The following TNC variants were observed in gnomAD, a reference collection of about 807,000 sequenced individuals.
TNC encodes the protein tenascin.
Under a neutral mutation model 202.4 loss-of-function variants are expected in TNC, and 109 were observed. The ratio of observed to expected loss-of-function variants is 0.54; its 90% CI spans 0.46 to 0.63. The LOEUF is 0.63. TNC is among the 30% of genes least tolerant of loss of function. The pLI is 0.00. For missense variants in TNC, 2,756 were observed against 2,833.3 expected (o/e 0.97, Z 0.62); for synonymous variants, 1,007 against 1,089.7 (o/e 0.92, Z 1.50).
chr9:115,029,139 T>C (rs923990965), intron 25 of TNC, among the ~76,000 whole-genome samples: 1 of 151,844 alleles, frequency 6.6e-6, no homozygotes, highest in Non-Finnish European at 1.5e-5. Context: ...AACCTCTAAA[T>C]TGATTGAGAT....
chr9:115,050,039 A>G (rs960624264), intron 15 of TNC, among the ~76,000 whole-genome samples: 1 of 152,114 alleles, frequency 6.6e-6, no homozygotes, highest in Non-Finnish European at 1.5e-5. Context: ...CGAGGATGAA[A>G]TCTCTTATAC....
At chr9:115,037,247 T>C (rs1588023993) in intron 20 of TNC, among the ~76,000 whole-genome samples, 1 of 152,224 alleles carries the variant, frequency 6.6e-6, no homozygotes. Flanking sequence ...CCTGCTCATA[T>C]TGTCACTGAG....
At chr9:115,080,276 C>T (rs1564108626) in intron 6 of TNC, among the ~76,000 whole-genome samples, 1 of 152,040 alleles carries the variant, frequency 6.6e-6, no homozygotes, top group African/African-American at 2.4e-5. Flanking sequence ...TCCATAGCAA[C>T]TAAGCATTTG....
At chr9:115,081,618 G>T (rs551606848) in intron 6 of TNC, among the ~76,000 whole-genome samples, 154 bp downstream of exon 6, 11 of 152,288 alleles carry the variant, frequency 7.2e-5, no homozygotes, top group African/African-American at 2.6e-4. Flanking sequence ...AACATGCAAA[G>T]AATTGTTATT....
chr9:115,055,126 T>G (rs7859478), intron 15 of TNC, among the ~76,000 whole-genome samples: 16,047 of 152,034 alleles, frequency 0.11, 919 homozygotes, highest in Middle Eastern at 0.17. Context: ...CAAACTTTGA[T>G]TAGAACGACC....
chr9:115,104,390 T>C (rs1836456601), intron 1 of TNC, among the ~76,000 whole-genome samples: 1 of 152,192 alleles, frequency 6.6e-6, no homozygotes, highest in Admixed American at 6.5e-5. Flanking sequence ...TGGTTGCCTT[T>C]GTGAAACTGT....
intron 22 of TNC, among the ~76,000 whole-genome samples, chr9:115,032,274 A>T (rs1439539469): frequency 6.6e-6 from 1 of 152,180 alleles, no homozygotes; most frequent in Admixed American, 6.5e-5. Flanking sequence ...CTAGATTATG[A>T]AGGGCCTTTA....
chr9:115,093,973 G>A (rs1181230339), intron 1 of TNC, among the ~76,000 whole-genome samples: 1 of 152,132 alleles, frequency 6.6e-6, no homozygotes, highest in Non-Finnish European at 1.5e-5. Context: ...TATTTTCAGT[G>A]TTGTAGAAAA....
Position 115,057,065 on chromosome 9 carries a change from A to T in TNC, c.4579+88T>A, listed in dbSNP as rs886489976. On this transcript the variant is annotated intron_variant, in intron 15 of 27. Transcript: ENST00000350763. ...GAAGAGTTAGTGCCCTGTGGCTTGTACATCAATGGGAGAGGAGAAGGAGAG... is the reference window on the plus strand; with the variant it reads ...GAAGAGTTAGTGCCCTGTGGCTTGTTCATCAATGGGAGAGGAGAAGGAGAG... The T allele has an allele frequency of 2.3e-5, 34 of 1,463,180 alleles. No individual in the cohort carries two copies. In the Admixed American group the frequency reaches 3.5e-4, roughly 15 times the overall value. The allele number at this position is 1,463,180 out of a possible 1,614,324, so 90.6% of individuals were successfully genotyped here. A position where few individuals can be genotyped will look rare whatever the true frequency, so the allele number is the denominator to read the frequency against.
chr9:115,020,970 A>G lies in TNC; in HGVS notation c.*187T>C. 1.8e-6 allele frequency: 1 copy of G among 556,300 alleles called. No homozygotes were observed. Among genetic ancestry groups the G allele is most frequent in the East Asian group, 2.9e-5 (1 of 34,268 alleles). 34.5% of individuals were successfully genotyped at this position (556,300 alleles called of 1,614,324 possible). On this transcript the variant is annotated 3_prime_UTR_variant, in exon 28 of 28. Coordinates refer to ENST00000350763, the MANE Select transcript of TNC (RefSeq NM_002160.4). ...GTTGGAGACTGATGTCTTTGGTGCA[A>G]AGAAAGAAATCACAGAGGAGGTGAG...
At chr9:115,051,442 C>A (rs1460545766) in intron 15 of TNC, among the ~76,000 whole-genome samples, 1 of 152,058 alleles carries the variant, frequency 6.6e-6, no homozygotes, top group African/African-American at 2.4e-5. Context: ...CCAAAGCCAA[C>A]CCCAATCAGT....
rs767688734 is a variant in TNC, at chr9:115,048,440, T to G, written c.4672A>C (p.Ser1558Arg). ...SWMASENAFD[S>R]FLVTVVDSGK... The stretch of plus-strand genomic sequence containing the variant: ...GAATCCACCACCGTTACTAGAAAGC[T>G]GTCAAAGGCATTCTCCGATGCCATC... The change falls in exon 16 of 28, where the codon AGC becomes CGC. Residue 1558 changes from serine (S) to arginine (R), a missense_variant. This residue lies in a region of TNC where 2,559 missense variants were observed against 2,546.0 expected (regional missense o/e 1.01). Coordinates refer to ENST00000350763, the MANE Select transcript of TNC (RefSeq NM_002160.4). 1 of 1,613,986 alleles carries G rather than the reference T, an allele frequency of 6.2e-7. No individual in the cohort carries two copies.
rs143254617 is a variant in TNC, at chr9:115,046,168, G to A, written c.5125+242C>T. Among the ~76,000 whole-genome samples the A allele has an allele frequency of 3.2e-3, 486 of 152,232 alleles. 3 individuals carry two copies. The highest frequency in any genetic ancestry group is 0.031 in the Middle Eastern group (9 of 294). On this transcript the variant is annotated intron_variant, in intron 17 of 27. Coordinates refer to ENST00000350763, the MANE Select transcript of TNC (RefSeq NM_002160.4). ...GCCCTTGCTACCTGCCAGGCCTTCCGCTATGGGCTTTATATGAATTATCTC... is the reference window on the plus strand; with the variant it reads ...GCCCTTGCTACCTGCCAGGCCTTCCACTATGGGCTTTATATGAATTATCTC...
chr9:115,072,255 T>C (rs1833523406), intron 10 of TNC, among the ~76,000 whole-genome samples: 2 of 152,120 alleles, frequency 1.3e-5, no homozygotes, highest in Non-Finnish European at 2.9e-5. Flanking sequence ...AGAACACAGA[T>C]GGAATGGCTG....
Position 115,086,560 on chromosome 9 carries a change from G to T in TNC, c.1171C>A (p.Arg391=). ...GTGAAACCATCATCACACTCACACC[G>T]CCCGTCTACACAGCGGCCACGATTG... ...CHNRGRCVDG[R]CECDDGFTGA... Residue 391 remains arginine (R), a synonymous_variant, in exon 3 of 28, where the codon CGG becomes AGG. Coordinates refer to ENST00000350763, the MANE Select transcript of TNC (RefSeq NM_002160.4). 1.4e-5 allele frequency: 22 copies of T among 1,613,290 alleles called. No homozygotes were observed. The highest frequency in any genetic ancestry group is 1.9e-5 in the Non-Finnish European group (22 of 1,179,852).
rs1195121583 is a variant in TNC, at chr9:115,020,241, C to T, written c.*916G>A. 1.4e-5 allele frequency: 2 copies of T among 138,242 alleles called. No individual in the cohort carries two copies. The highest frequency in any genetic ancestry group is 2.1e-4 in the East Asian group (1 of 4,654). 8.6% of individuals were successfully genotyped at this position (138,242 alleles called of 1,614,324 possible). A position where few individuals can be genotyped will look rare whatever the true frequency, so the allele number is the denominator to read the frequency against. On this transcript the variant is annotated 3_prime_UTR_variant, in exon 28 of 28. Coordinates refer to ENST00000350763, the MANE Select transcript of TNC (RefSeq NM_002160.4). ...TTTTTTTTTTTTTTTTCTGTAGAGA[C>T]AAGTTCTCACTATGTTGCTCAGGCT...
At chr9:115,026,462 T>G in intron 26 of TNC, 72 bp downstream of exon 26, 1 of 1,499,202 alleles carries the variant, frequency 6.7e-7, no homozygotes, top group South Asian at 1.2e-5. Flanking sequence ...GAATGAAAGT[T>G]AGAGAAATAA....
chr9:115,079,454 G>C (rs1394624679), intron 6 of TNC, among the ~76,000 whole-genome samples: 1 of 152,126 alleles, frequency 6.6e-6, no homozygotes, highest in Non-Finnish European at 1.5e-5. Context: ...GAAGCTGCCT[G>C]CTCTGTGTTC....
At chr9:115,099,424 C>T (rs1423607113) in intron 1 of TNC, among the ~76,000 whole-genome samples, 1 of 152,198 alleles carries the variant, frequency 6.6e-6, no homozygotes, top group African/African-American at 2.4e-5. Context: ...AGGATATCTG[C>T]TCTACATCAG....
Sources: gnomAD v4.1 joint callset for allele counts (sites outside exome capture counted in the v4.1 genomes callset) on GRCh38, gnomAD v4.1.1 for gene constraint, gnomAD v4.1.1 regional missense constraint, MANE v1.5 for transcripts, NCBI Gene and HGNC (gene_info 2026-07-23, HGNC 2026-07-21) for gene names.